Variants in RABEP1 observed in about 807,000 individuals in gnomAD.
RABEP1 encodes rab GTPase-binding effector protein 1.
A neutral mutation model predicts 123.4 loss-of-function variants in RABEP1; 51 were observed. The observed-to-expected ratio is 0.41, with a 90% CI of 0.33 to 0.52. The LOEUF is 0.52. Ranked by LOEUF, RABEP1 falls within the 20% of genes least tolerant of loss-of-function variation. The pLI, the probability that RABEP1 is intolerant of heterozygous loss-of-function variation, is 0.16. For synonymous variants in RABEP1, 347 were observed against 355.2 expected (o/e 0.98, Z 0.26); for missense variants, 888 against 996.3 (o/e 0.89, Z 1.46).
intron 8 of RABEP1, among the ~76,000 whole-genome samples, chr17:5,360,018 C>CAT: frequency 6.6e-6 from 1 of 152,260 alleles, no homozygotes; most frequent in South Asian, 2.1e-4. Flanking sequence ...AGTGGCATTG[C>CAT]ATATATACAC....
intron 1 of RABEP1, among the ~76,000 whole-genome samples, chr17:5,284,440 C>G (rs1472008467): frequency 6.6e-6 from 1 of 151,614 alleles, no homozygotes; most frequent in Non-Finnish European, 1.5e-5. Flanking sequence ...GTGTCAGTGC[C>G]TTAGAAGTTC....
At chr17:5,372,291 A>G (rs1455317769) in intron 12 of RABEP1, among the ~76,000 whole-genome samples, 3 of 152,036 alleles carry the variant, frequency 2.0e-5, no homozygotes, top group African/African-American at 7.2e-5. Context: ...AAAAATACAA[A>G]AAAATGAGCT....
chr17:5,319,621 C>T (rs1205469791), intron 2 of RABEP1, among the ~76,000 whole-genome samples: 6 of 152,004 alleles, frequency 3.9e-5, no homozygotes, highest in Non-Finnish European at 8.8e-5. Context: ...CCTTGGCCTC[C>T]CAAAGTGTTG....
chr17:5,298,041 G>A (rs1229714342), intron 1 of RABEP1, among the ~76,000 whole-genome samples: 2 of 152,106 alleles, frequency 1.3e-5, no homozygotes. Context: ...TCATCCACAT[G>A]TAGGCAGATA....
intron 1 of RABEP1, among the ~76,000 whole-genome samples, chr17:5,288,641 C>T (rs530490496): frequency 1.3e-5 from 2 of 152,118 alleles, no homozygotes; most frequent in African/African-American, 2.4e-5. Context: ...ATGATGCATC[C>T]GCCTTGGCCT....
intron 11 of RABEP1, among the ~76,000 whole-genome samples, chr17:5,366,926 C>T (rs980512007): frequency 4.3e-4 from 65 of 151,244 alleles, no homozygotes; most frequent in Admixed American, 3.3e-4. Context: ...CCTGTCTCTA[C>T]TAAAAATACA....
intron 11 of RABEP1, among the ~76,000 whole-genome samples, chr17:5,366,854 C>G (rs1293745100): frequency 6.6e-6 from 1 of 151,742 alleles, no homozygotes; most frequent in East Asian, 2.0e-4. Flanking sequence ...CTTTGGGAGG[C>G]CGAGGCGGGC....
intron 1 of RABEP1, among the ~76,000 whole-genome samples, chr17:5,295,387 T>C (rs1220594796): frequency 1.8e-5 from 2 of 113,256 alleles, no homozygotes; most frequent in Non-Finnish European, 3.6e-5. Flanking sequence ...AGATTCCGTC[T>C]CAAAAAAAAA....
intron 11 of RABEP1, among the ~76,000 whole-genome samples, chr17:5,367,514 C>G (rs1910144926): frequency 6.6e-6 from 1 of 151,632 alleles, no homozygotes; most frequent in Non-Finnish European, 1.5e-5. Context: ...TGTGATCCAT[C>G]CGCCTCGGCC....
At chr17:5,375,401 G>A (rs1046506204) in intron 13 of RABEP1, among the ~76,000 whole-genome samples, 1 of 152,004 alleles carries the variant, frequency 6.6e-6, no homozygotes. Context: ...ATCAAAAGAA[G>A]GTATCGGGGG....
At chr17:5,362,826 A>G (rs1249942271) in intron 9 of RABEP1, 86 bp from the exon 10 acceptor site, 10 of 854,512 alleles carry the variant, frequency 1.2e-5, no homozygotes, top group Non-Finnish European at 2.0e-5. Context: ...TCTACTGACT[A>G]CCATTGGTAA....
chr17:5,363,630 T>C (rs903428882), intron 10 of RABEP1, among the ~76,000 whole-genome samples: 1 of 152,192 alleles, frequency 6.6e-6, no homozygotes, highest in Non-Finnish European at 1.5e-5. Flanking sequence ...TTTAAGTACA[T>C]GGCAAGTACT....
intron 1 of RABEP1, among the ~76,000 whole-genome samples, chr17:5,283,561 A>G (rs1208007048): frequency 1.3e-5 from 2 of 152,168 alleles, no homozygotes; most frequent in Non-Finnish European, 1.5e-5. Context: ...GTGTATTTCT[A>G]TAATCAGCGT....
chr17:5,383,585 G>T lies in RABEP1; in HGVS notation c.*362G>T, dbSNP rs368940953. Reference sequence around the variant, plus strand: ...ATCCCAGTAGTGTTTGGAATTTTCTGTTCATAGATATTGGAAGAGAGAATT... The same window carrying T: ...ATCCCAGTAGTGTTTGGAATTTTCTTTTCATAGATATTGGAAGAGAGAATT... On this transcript the variant is annotated 3_prime_UTR_variant, in exon 18 of 18. Transcript: ENST00000537505. 591 of 280,912 alleles carry T rather than the reference G, an allele frequency of 2.1e-3. 10 individuals are homozygous for T. The East Asian group carries it at 0.028, about 13-fold the overall frequency. The allele number at this position is 280,912 out of a possible 1,614,324, so 17.4% of individuals were successfully genotyped here. A position where few individuals can be genotyped will look rare whatever the true frequency, so the allele number is the denominator to read the frequency against.
rs147604254 is a variant in RABEP1, at chr17:5,324,176, C to T, written c.164-7773C>T. Among the ~76,000 whole-genome samples the T allele has an allele frequency of 6.2e-4, 94 of 152,120 alleles. 1 individual carries two copies. The highest frequency in any genetic ancestry group is 2.2e-3 in the African/African-American group (92 of 41,512). On this transcript the variant is annotated intron_variant, in intron 2 of 17. Transcript: ENST00000537505. ...AAGCTGGAGGAATCACACTATATAACATTAAAATTTACTACAAAGCTATAG... is the reference window on the plus strand; with the variant it reads ...AAGCTGGAGGAATCACACTATATAATATTAAAATTTACTACAAAGCTATAG...
Position 5,373,416 on chromosome 17 carries a change from C to T in RABEP1, c.1987C>T (p.Gln663Ter), listed in dbSNP as rs1412050441. Residue 663 changes from glutamine to a stop codon, truncating the protein, a stop_gained, in exon 13 of 18, where the codon CAG becomes TAG. Coordinates refer to ENST00000537505, the MANE Select transcript of RABEP1 (RefSeq NM_004703.6). LOFTEE classifies it high-confidence loss of function. ...QGKHSLHVSL[Q>*]QAEDFILPDT... is the part of the protein sequence containing the mutation. The stretch of plus-strand genomic sequence containing the variant: ...AAAGCACAGCCTGCATGTGTCATTA[C>T]AGCAAGCAGAAGACTTCATCCTCCC... The T allele has an allele frequency of 6.2e-7, 1 of 1,612,630 alleles. No homozygotes were observed. The highest frequency in any genetic ancestry group is 8.5e-7 in the Non-Finnish European group (1 of 1,179,690).
rs376462884 is a variant in RABEP1, at chr17:5,385,699, G to T, written c.*2476G>T. The T allele has an allele frequency of 4.3e-6, 1 of 231,440 alleles. No homozygotes were observed. The highest frequency in any genetic ancestry group is 6.2e-5 in the East Asian group (1 of 16,260). 14.3% of individuals were successfully genotyped at this position (231,440 alleles called of 1,614,324 possible). On this transcript the variant is annotated 3_prime_UTR_variant, in exon 18 of 18. Transcript: ENST00000537505. ...TGAGCCAGCAGTGGCCTTTGCAATTGTGGATCTTGAGCTCTGCTCTCAGCA... is the reference window on the plus strand; with the variant it reads ...TGAGCCAGCAGTGGCCTTTGCAATTTTGGATCTTGAGCTCTGCTCTCAGCA...
intron 7 of RABEP1, 48 bp from the exon 8 acceptor site, chr17:5,354,311 A>G (rs760559156): frequency 3.3e-6 from 5 of 1,524,312 alleles, no homozygotes; most frequent in Non-Finnish European, 4.5e-6. Context: ...TGTGTCACTT[A>G]TTAAGTAGGT....
intron 1 of RABEP1, among the ~76,000 whole-genome samples, chr17:5,285,982 C>T (rs2074973951): frequency 6.6e-6 from 1 of 152,148 alleles, no homozygotes; most frequent in Non-Finnish European, 1.5e-5. Context: ...TGTCCTTGTG[C>T]ATATTTTTTA....
Sources: gnomAD v4.1 joint callset for allele counts (sites outside exome capture counted in the v4.1 genomes callset) on GRCh38, gnomAD v4.1.1 for gene constraint, MANE v1.5 for transcripts, NCBI Gene and HGNC (gene_info 2026-07-23, HGNC 2026-07-21) for gene names.